The following MCC variants were observed in gnomAD, a reference collection of about 807,000 sequenced individuals.
MCC encodes colorectal mutant cancer protein.
Under a neutral mutation model 116.2 loss-of-function variants are expected in MCC, and 90 were observed. The observed-to-expected ratio is 0.77, with a 90% CI of 0.65 to 0.92. The LOEUF (loss-of-function observed/expected upper bound fraction) is 0.92, where lower values mean the gene tolerates loss of function less well. MCC is among the 40% of genes least tolerant of loss of function. MCC has a pLI of 0.00. For synonymous variants in MCC, 578 were observed against 510.5 expected (o/e 1.13, Z -1.78); for missense variants, 1,516 against 1,312.2 (o/e 1.16, Z -2.40).
chr5:113,095,641 C>G (rs972821541), intron 8 of MCC, among the ~76,000 whole-genome samples: 1 of 151,936 alleles, frequency 6.6e-6, no homozygotes, highest in African/African-American at 2.4e-5. Flanking sequence ...CACCTCAGCC[C>G]CCGAGTAGCT....
chr5:113,476,748 T>C (rs1772244047), intron 1 of MCC, among the ~76,000 whole-genome samples: 1 of 152,132 alleles, frequency 6.6e-6, no homozygotes, highest in Non-Finnish European at 1.5e-5. Context: ...CCGGAGTGGT[T>C]AGGGGAAATG....
chr5:113,205,453 C>T (rs1561456588), intron 3 of MCC, among the ~76,000 whole-genome samples: 1 of 152,154 alleles, frequency 6.6e-6, no homozygotes, highest in Non-Finnish European at 1.5e-5. Context: ...AAGTCTGAGC[C>T]CCTGCTCTGC....
chr5:113,126,601 T>A (rs1033898455), intron 5 of MCC, among the ~76,000 whole-genome samples: 8 of 152,346 alleles, frequency 5.3e-5, no homozygotes, highest in South Asian at 2.1e-4. Flanking sequence ...AAACTTTTTT[T>A]AAGGTATGTC....
chr5:113,471,631 G>A (rs7704300), intron 1 of MCC, among the ~76,000 whole-genome samples: 3,619 of 152,190 alleles, frequency 0.024, 62 homozygotes, highest in Non-Finnish European at 0.037. Context: ...CCCACTTGAG[G>A]AGGCAGTCTG....
rs748605107 is a variant in MCC, at chr5:113,027,406, C to T, written c.2956G>A (p.Ala986Thr). 1.2e-6 allele frequency: 2 copies of T among 1,614,214 alleles called. No individual in the cohort carries two copies. The highest frequency in any genetic ancestry group is 1.7e-6 in the Non-Finnish European group (2 of 1,180,030). ...TGGGTCTCATGTCTCTCCACCATGGCCATCATCTGCGACTCTAACTTCTTC... is the reference window on the plus strand; with the variant it reads ...TGGGTCTCATGTCTCTCCACCATGGTCATCATCTGCGACTCTAACTTCTTC... ...KLKKLESQMMAMVERHETQVR... is the reference protein window; with the variant it reads ...KLKKLESQMMTMVERHETQVR... Residue 986 changes from alanine to threonine, a missense_variant, in exon 19 of 19, where the codon GCC becomes ACC. Transcript: ENST00000408903.
chr5:113,299,242 G>A (rs1426618284), intron 3 of MCC, among the ~76,000 whole-genome samples: 10 of 136,796 alleles, frequency 7.3e-5, no homozygotes, highest in African/African-American at 2.0e-4. Context: ...GAACCGAGCC[G>A]AGATCACGCT....
chr5:113,077,859 A>C (rs1156889498), intron 11 of MCC, among the ~76,000 whole-genome samples: 1 of 152,198 alleles, frequency 6.6e-6, no homozygotes, highest in Non-Finnish European at 1.5e-5. Context: ...AAAATCAATG[A>C]ATCCAGGAGC....
intron 3 of MCC, among the ~76,000 whole-genome samples, chr5:113,277,081 A>G: frequency 6.6e-6 from 1 of 151,734 alleles, no homozygotes; most frequent in Non-Finnish European, 1.5e-5. Context: ...GGTGGCTCAC[A>G]CCTGTAATCC....
chr5:113,161,507 G>C (rs1042252387), intron 3 of MCC, among the ~76,000 whole-genome samples: 6 of 152,138 alleles, frequency 3.9e-5, no homozygotes, highest in African/African-American at 9.7e-5. Context: ...CACAGATCAG[G>C]AAAGGCCAAA....
At chr5:113,355,808 T>A (rs59954246) in intron 2 of MCC, among the ~76,000 whole-genome samples, 28,956 of 151,822 alleles carry the variant, frequency 0.19, 3,281 homozygotes, top group Admixed American at 0.32. Context: ...CATCTCCAAA[T>A]GCCATCACAC....
chr5:113,402,672 T>C (rs1457353613), intron 1 of MCC, among the ~76,000 whole-genome samples: 1 of 152,178 alleles, frequency 6.6e-6, no homozygotes, highest in Non-Finnish European at 1.5e-5. Flanking sequence ...CTACTCACTC[T>C]CTCAGATTAT....
At chr5:113,171,521 A>C (rs1362953718) in intron 3 of MCC, among the ~76,000 whole-genome samples, 1 of 151,752 alleles carries the variant, frequency 6.6e-6, no homozygotes. Context: ...CACCTGGCTC[A>C]TTTTTGTATT....
chr5:113,280,072 C>T (rs549825104), intron 3 of MCC, among the ~76,000 whole-genome samples: 47 of 152,210 alleles, frequency 3.1e-4, no homozygotes, highest in Middle Eastern at 3.2e-3. Context: ...ATTCGGCCTC[C>T]ACACTGATCT....
At chr5:113,152,393 C>A (rs1759936418) in intron 3 of MCC, among the ~76,000 whole-genome samples, 1 of 152,172 alleles carries the variant, frequency 6.6e-6, no homozygotes, top group African/African-American at 2.4e-5. Flanking sequence ...ACTTTCCATT[C>A]CAGGTGGAGC....
intron 1 of MCC, among the ~76,000 whole-genome samples, chr5:113,480,055 C>G (rs1265851136): frequency 6.6e-6 from 1 of 152,154 alleles, no homozygotes; most frequent in Non-Finnish European, 1.5e-5. Context: ...TCTTTCAACC[C>G]TTTAAAAGTT....
intron 3 of MCC, among the ~76,000 whole-genome samples, chr5:113,257,161 C>T (rs922711217): frequency 2.4e-4 from 37 of 152,170 alleles, no homozygotes; most frequent in East Asian, 9.7e-4. Flanking sequence ...TGGGGCTAAG[C>T]GTGTTCATTT....
At chr5:113,080,912 T>A (rs1754815190) in intron 11 of MCC, among the ~76,000 whole-genome samples, 1 of 152,190 alleles carries the variant, frequency 6.6e-6, no homozygotes, top group African/African-American at 2.4e-5. Context: ...TATCATCTTA[T>A]TTGTTTTCTC....
intron 3 of MCC, among the ~76,000 whole-genome samples, chr5:113,201,068 A>G (rs1256567477): frequency 6.6e-6 from 1 of 152,120 alleles, no homozygotes; most frequent in African/African-American, 2.4e-5. Flanking sequence ...GTATCCATCT[A>G]TATGCTTGGA....
chr5:113,287,986 C>T (rs1437191117), intron 3 of MCC, among the ~76,000 whole-genome samples: 1 of 152,264 alleles, frequency 6.6e-6, no homozygotes, highest in African/African-American at 2.4e-5. Flanking sequence ...CCTACCTGGT[C>T]TTTGAGTAAC....
Sources: gnomAD v4.1 joint callset for allele counts (sites outside exome capture counted in the v4.1 genomes callset) on GRCh38, gnomAD v4.1.1 for gene constraint, MANE v1.5 for transcripts, NCBI Gene and HGNC (gene_info 2026-07-23, HGNC 2026-07-21) for gene names.